The following MTPN variants were observed in gnomAD, a reference collection of about 807,000 sequenced individuals.
MTPN encodes the protein myotrophin, also known as granule cell differentiation protein.
MTPN carries 2 observed loss-of-function variants against 13.5 expected under a neutral mutation model. That is an observed-to-expected ratio of 0.15 (90% CI 0.06 to 0.47). The LOEUF (loss-of-function observed/expected upper bound fraction) is 0.47. Ranked by LOEUF, MTPN falls within the 20% of genes least tolerant of loss-of-function variation. MTPN has a pLI of 0.97. For missense variants in MTPN, 79 were observed against 137.9 expected (o/e 0.57, Z 2.14); for synonymous variants, 46 against 51.7 (o/e 0.89, Z 0.48).
chr7:135,972,200 T>C (rs1349154714), intron 1 of MTPN, among the ~76,000 whole-genome samples: 1 of 144,158 alleles, frequency 6.9e-6, no homozygotes, highest in Non-Finnish European at 1.5e-5. Flanking sequence ...GATATGGTTA[T>C]AAATACACAC....
intron 1 of MTPN, among the ~76,000 whole-genome samples, chr7:135,956,013 C>A (rs1040188097): frequency 6.6e-6 from 1 of 152,176 alleles, no homozygotes; most frequent in African/African-American, 2.4e-5. Context: ...GTTCTTACCA[C>A]TTCAATGTTG....
chr7:135,954,346 GAAT>G (rs1225442058), intron 1 of MTPN, among the ~76,000 whole-genome samples: 2 of 152,184 alleles, frequency 1.3e-5, no homozygotes, highest in Non-Finnish European at 2.9e-5. Context: ...GTTGAAATAT[GAAT>G]AATTAAAGAT....
chr7:135,965,933 G>A (rs1228295544), intron 1 of MTPN, among the ~76,000 whole-genome samples: 2 of 152,074 alleles, frequency 1.3e-5, no homozygotes, highest in Non-Finnish European at 2.9e-5. Flanking sequence ...AAACTGTATG[G>A]CAGATAACAG....
intron 1 of MTPN, among the ~76,000 whole-genome samples, chr7:135,955,852 A>C (rs1302263141): frequency 2.0e-5 from 3 of 151,258 alleles, no homozygotes; most frequent in Non-Finnish European, 2.9e-5. Flanking sequence ...AAAAAAAAAA[A>C]AACCCAATAT....
chr7:135,942,081 G>T (rs1799222447), intron 3 of MTPN, among the ~76,000 whole-genome samples: 1 of 151,844 alleles, frequency 6.6e-6, no homozygotes, highest in African/African-American at 2.4e-5. Flanking sequence ...TAGAGATGGG[G>T]TTTAACCATG....
intron 1 of MTPN, among the ~76,000 whole-genome samples, chr7:135,965,331 T>C (rs879634932): frequency 1.3e-5 from 2 of 152,038 alleles, no homozygotes; most frequent in Non-Finnish European, 2.9e-5. Flanking sequence ...TTAAATAACA[T>C]GGTCAAGGTT....
intron 3 of MTPN, among the ~76,000 whole-genome samples, chr7:135,940,002 C>CT (rs1340664888): frequency 5.9e-5 from 9 of 152,104 alleles, no homozygotes; most frequent in African/African-American, 2.2e-4. Context: ...ACTATCTTGT[C>CT]TAAGTATGTA....
At chr7:135,944,873 TATATACAGCCAC>T (rs1299719342) in intron 3 of MTPN, among the ~76,000 whole-genome samples, 1 of 152,138 alleles carries the variant, frequency 6.6e-6, no homozygotes, top group Admixed American at 6.5e-5. Context: ...TGAACCCTAA[TATATACAGCCAC>T]ATGTCACTTA....
chr7:135,963,037 A>G (rs188485785), intron 1 of MTPN, among the ~76,000 whole-genome samples: 4 of 152,176 alleles, frequency 2.6e-5, no homozygotes, highest in East Asian at 1.9e-4. Flanking sequence ...CTAAATTAGC[A>G]TATGTGTCAC....
intron 3 of MTPN, among the ~76,000 whole-genome samples, chr7:135,939,447 A>G (rs1205832698): frequency 6.6e-6 from 1 of 151,968 alleles, no homozygotes; most frequent in East Asian, 1.9e-4. Context: ...AGACTCCCTT[A>G]AAGCTACAGG....
chr7:135,932,197 A>G (rs1799033660), intron 3 of MTPN: 1 of 152,096 alleles, frequency 6.6e-6, no homozygotes, highest in Non-Finnish European at 1.5e-5. Flanking sequence ...AAAGCGGAAT[A>G]CTCTCTCCTA....
intron 1 of MTPN, among the ~76,000 whole-genome samples, chr7:135,952,352 A>C (rs1227710006): frequency 1.3e-5 from 2 of 152,212 alleles, no homozygotes; most frequent in Non-Finnish European, 2.9e-5. Context: ...AGTCCAAAAA[A>C]GTCATTTTCA....
At chr7:135,971,860 CTGTGT>C (rs1799697738) in intron 1 of MTPN, among the ~76,000 whole-genome samples, 1 of 152,066 alleles carries the variant, frequency 6.6e-6, no homozygotes, top group Non-Finnish European at 1.5e-5. Context: ...TTTTTCTGGA[CTGTGT>C]AGGATCACAA....
intron 3 of MTPN, among the ~76,000 whole-genome samples, chr7:135,948,823 T>G (rs964136025): frequency 1.3e-5 from 2 of 152,150 alleles, no homozygotes; most frequent in African/African-American, 2.4e-5. Context: ...AGAGTACATT[T>G]AGGGCAGCTC....
At chr7:135,953,924 C>T (rs1006932580) in intron 1 of MTPN, among the ~76,000 whole-genome samples, 1 of 152,012 alleles carries the variant, frequency 6.6e-6, no homozygotes, top group Non-Finnish European at 1.5e-5. Flanking sequence ...ACAGGGCCTC[C>T]TGTAAATCAG....
At chr7:135,946,927 G>A (rs776133492) in intron 3 of MTPN, among the ~76,000 whole-genome samples, 5 of 152,062 alleles carry the variant, frequency 3.3e-5, no homozygotes, top group Non-Finnish European at 7.4e-5. Context: ...CTCCTCTGCT[G>A]CTGCTACCTC....
intron 3 of MTPN, among the ~76,000 whole-genome samples, chr7:135,948,938 C>T (rs1227632761): frequency 2.0e-5 from 3 of 152,026 alleles, no homozygotes; most frequent in East Asian, 1.9e-4. Context: ...AGGGAAAAGG[C>T]GGGAACGAAG....
intron 1 of MTPN, among the ~76,000 whole-genome samples, chr7:135,974,825 T>G (rs963443168): frequency 5.3e-5 from 8 of 152,148 alleles, no homozygotes; most frequent in Non-Finnish European, 1.0e-4. Flanking sequence ...AAGACAGCTG[T>G]GGGGCAGAAG....
intron 1 of MTPN, among the ~76,000 whole-genome samples, chr7:135,974,905 C>G (rs190373377): frequency 1.3e-5 from 2 of 152,272 alleles, no homozygotes; most frequent in African/African-American, 4.8e-5. Context: ...AACTTCAGTT[C>G]TTGTTATTAT....
Sources: allele counts gnomAD v4.1 joint callset (sites outside exome capture counted in the v4.1 genomes callset), GRCh38; gene constraint gnomAD v4.1.1; transcripts MANE v1.5; gene names NCBI Gene and HGNC (gene_info 2026-07-23, HGNC 2026-07-21).